SORCS2: variants seen among roughly 807,000 people sequenced by gnomAD.
SORCS2 encodes VPS10 domain-containing receptor SorCS2.
A neutral mutation model predicts 141.6 loss-of-function variants in SORCS2; 100 were observed. The observed-to-expected ratio is 0.71, with a 90% CI of 0.60 to 0.83. The LOEUF is 0.83. Among genes scored for constraint, SORCS2 ranks in the 40% least tolerant of loss-of-function variants. The probability of loss-of-function intolerance (pLI) is 0.00; values close to 1 mark genes in which losing one functional copy is unlikely to be tolerated. For missense variants in SORCS2, 1,646 were observed against 1,560.2 expected, an observed-to-expected ratio of 1.05 and a Z score of -0.93; for synonymous variants, 789 against 676.9, an observed-to-expected ratio of 1.17 and a Z score of -2.57.
intron 3 of SORCS2, among the ~76,000 whole-genome samples, chr4:7,635,485 C>T (rs1415709802): frequency 6.6e-6 from 1 of 152,228 alleles, no homozygotes; most frequent in South Asian, 2.1e-4. Context: ...TATTTCTGGC[C>T]ACTTCCCATT....
chr4:7,645,875 C>G (rs934599976), intron 4 of SORCS2, among the ~76,000 whole-genome samples: 1 of 152,210 alleles, frequency 6.6e-6, no homozygotes, highest in Non-Finnish European at 1.5e-5. Context: ...GTGTATGGTA[C>G]ACCATCTCTG....
intron 3 of SORCS2, among the ~76,000 whole-genome samples, chr4:7,571,223 C>A (rs1019156105): frequency 4.6e-5 from 7 of 152,198 alleles, no homozygotes; most frequent in African/African-American, 1.7e-4. Flanking sequence ...CGCCCCTGGG[C>A]CAAGCCTTGT....
At chr4:7,723,091 G>A (rs544678814) in intron 18 of SORCS2, among the ~76,000 whole-genome samples, 6 of 152,100 alleles carry the variant, frequency 3.9e-5, no homozygotes, top group South Asian at 2.1e-4. Flanking sequence ...ATGGTGGAGC[G>A]GCCTCTCTGG....
chr4:7,203,379 G>C (rs111609460), intron 1 of SORCS2, among the ~76,000 whole-genome samples: 12,942 of 151,650 alleles, frequency 0.085, 641 homozygotes, highest in African/African-American at 0.13. Context: ...AGCCGAGATT[G>C]TGCCACTGCA....
intron 3 of SORCS2, among the ~76,000 whole-genome samples, chr4:7,617,651 T>C (rs1354152576): frequency 6.6e-6 from 1 of 152,100 alleles, no homozygotes; most frequent in Non-Finnish European, 1.5e-5. Flanking sequence ...GACATTTGAG[T>C]TGGCCTTTGG....
intron 1 of SORCS2, among the ~76,000 whole-genome samples, chr4:7,380,852 A>G (rs907788227): frequency 4.6e-5 from 7 of 152,334 alleles, no homozygotes; most frequent in South Asian, 2.1e-4. Context: ...TTGGGAGGCC[A>G]AGGCGGGCAG....
At chr4:7,290,138 T>C (rs1408620705) in intron 1 of SORCS2, among the ~76,000 whole-genome samples, 2 of 152,178 alleles carry the variant, frequency 1.3e-5, no homozygotes, top group Non-Finnish European at 2.9e-5. Context: ...AGCTGATGGC[T>C]GGCCCCAGGG....
rs1211196489 is a variant in SORCS2, at chr4:7,724,674, GGTA to G, written c.2612-477_2612-475del. On this transcript the variant is annotated intron_variant, in intron 19 of 26. Transcript: ENST00000507866. Reference sequence around the variant, plus strand: ...TGGTGGTAGTTATGGTGATAATGGTGGTAGTGGTGATGGTGGTGGTGTTGGTGA... The same window carrying G: ...TGGTGGTAGTTATGGTGATAATGGTGGTGGTGATGGTGGTGGTGTTGGTGA... 1.9e-4 allele frequency among the ~76,000 whole-genome samples: 27 copies of G among 140,754 alleles called. 2 individuals are homozygous for G. The highest frequency in any genetic ancestry group is 6.1e-4 in the African/African-American group (22 of 36,176). 92.3% of individuals were successfully genotyped at this position (140,754 alleles called of 152,430 possible).
chr4:7,402,647 T>C (rs1313524831), intron 2 of SORCS2, among the ~76,000 whole-genome samples: 5 of 152,152 alleles, frequency 3.3e-5, no homozygotes, highest in African/African-American at 1.2e-4. Context: ...TTGGATAGGG[T>C]GGAAGATGTG....
At chr4:7,242,841 G>A (rs959687666) in intron 1 of SORCS2, among the ~76,000 whole-genome samples, 4 of 152,308 alleles carry the variant, frequency 2.6e-5, no homozygotes, top group African/African-American at 9.6e-5. Flanking sequence ...CCAGCTTGTC[G>A]CCTGCAGTGG....
At chr4:7,472,680 G>A (rs1240596194) in intron 2 of SORCS2, among the ~76,000 whole-genome samples, 1 of 152,154 alleles carries the variant, frequency 6.6e-6, no homozygotes, top group African/African-American at 2.4e-5. Flanking sequence ...GAAGTGGGAG[G>A]CGGCAAGGGG....
intron 2 of SORCS2, among the ~76,000 whole-genome samples, chr4:7,522,644 CCTT>C (rs1242477578): frequency 6.6e-6 from 1 of 150,826 alleles, no homozygotes; most frequent in Non-Finnish European, 1.5e-5. Context: ...CCTCCTCCCT[CCTT>C]TTCTCCCTCC....
At chr4:7,479,673 C>A (rs934437199) in intron 2 of SORCS2, among the ~76,000 whole-genome samples, 1 of 149,426 alleles carries the variant, frequency 6.7e-6, no homozygotes, top group Non-Finnish European at 1.5e-5. Context: ...ATCGGGGGGC[C>A]GTGTCCCTCT....
chr4:7,533,601 A>G (rs1299715640), intron 3 of SORCS2, among the ~76,000 whole-genome samples: 1 of 152,064 alleles, frequency 6.6e-6, no homozygotes. Context: ...ATGTGATGGT[A>G]CCTCCAGGGT....
intron 2 of SORCS2, among the ~76,000 whole-genome samples, chr4:7,425,728 C>A (rs907864971): frequency 1.3e-5 from 2 of 152,208 alleles, no homozygotes; most frequent in African/African-American, 4.8e-5. Context: ...CCGCAGTGGA[C>A]CGAGCTGTCA....
At chr4:7,507,955 G>A (rs992760225) in intron 2 of SORCS2, among the ~76,000 whole-genome samples, 2 of 151,920 alleles carry the variant, frequency 1.3e-5, no homozygotes, top group African/African-American at 4.8e-5. Context: ...AAGAAAATGT[G>A]GGCACTTTTG....
intron 3 of SORCS2, among the ~76,000 whole-genome samples, chr4:7,620,344 T>A (rs1719082276): frequency 6.6e-6 from 1 of 152,190 alleles, no homozygotes; most frequent in Non-Finnish European, 1.5e-5. Flanking sequence ...TCCGGCAGTC[T>A]CTCAGCTTTT....
intron 1 of SORCS2, among the ~76,000 whole-genome samples, chr4:7,347,146 A>G (rs1221291172): frequency 6.6e-6 from 1 of 152,178 alleles, no homozygotes; most frequent in African/African-American, 2.4e-5. Flanking sequence ...AGTTGGGACA[A>G]TGCCTTTGCC....
intron 2 of SORCS2, among the ~76,000 whole-genome samples, chr4:7,453,136 GGT>G (rs1362129842): frequency 2.9e-5 from 4 of 136,454 alleles, no homozygotes; most frequent in South Asian, 2.6e-4. Flanking sequence ...GTTGGGGTCA[GGT>G]GCTGTGTGTT....
Sources: gnomAD v4.1 joint callset for allele counts (sites outside exome capture counted in the v4.1 genomes callset) on GRCh38, gnomAD v4.1.1 for gene constraint, MANE v1.5 for transcripts, NCBI Gene and HGNC (gene_info 2026-07-23, HGNC 2026-07-21) for gene names.